Variants in PACRGL observed in about 807,000 individuals in gnomAD.
The protein encoded by PACRGL is parkin coregulated like.
Under a neutral mutation model 34.5 loss-of-function variants are expected in PACRGL, and 38 were observed. That is an observed-to-expected ratio of 1.10 (90% CI 0.85 to 1.44). The LOEUF (loss-of-function observed/expected upper bound fraction) is 1.44, where lower values mean the gene tolerates loss of function less well. Ranked by LOEUF, PACRGL falls within the 40% of genes most tolerant of loss-of-function variation. The pLI, the probability that PACRGL is intolerant of heterozygous loss-of-function variation, is 0.00. For synonymous variants in PACRGL, 128 were observed against 100.1 expected (o/e 1.28, Z -1.66); for missense variants, 305 against 281.4 (o/e 1.08, Z -0.60).
downstream of PACRGL, among the ~76,000 whole-genome samples, chr4:20,733,875 C>G (rs1748952920): frequency 6.6e-6 from 1 of 152,160 alleles, no homozygotes; most frequent in African/African-American, 2.4e-5. Context: ...TACTCGTGAC[C>G]TGGCACACTT....
chr4:20,760,837 A>G, the PACRGL span, among the ~76,000 whole-genome samples: 5 of 152,140 alleles, frequency 3.3e-5, no homozygotes, highest in East Asian at 9.6e-4. Flanking sequence ...ACAACCAAAA[A>G]CAAATGAGCA....
chr4:20,764,992 A>G, the PACRGL span, among the ~76,000 whole-genome samples: 1 of 152,206 alleles, frequency 6.6e-6, no homozygotes, highest in Admixed American at 6.5e-5. Flanking sequence ...TTTAGACATG[A>G]GGACAATGAG....
downstream of PACRGL, among the ~76,000 whole-genome samples, chr4:20,735,464 C>T (rs1315019300): frequency 6.6e-6 from 1 of 150,884 alleles, no homozygotes; most frequent in Non-Finnish European, 1.5e-5. Context: ...AGTTTGTATC[C>T]TGGTTAGATT....
chr4:20,739,988 G>A (rs1218910429), intron 8 of PACRGL, among the ~76,000 whole-genome samples: 2 of 152,250 alleles, frequency 1.3e-5, no homozygotes, highest in South Asian at 2.1e-4. Flanking sequence ...GGAAGAAAGG[G>A]TATCAGTGAT....
At chr4:20,697,447 T>C (rs2149012032), upstream of PACRGL, among the ~76,000 whole-genome samples, 1 of 152,348 alleles carries the variant, frequency 6.6e-6, no homozygotes, top group South Asian at 2.1e-4. Flanking sequence ...CTGAGTGGTT[T>C]ACTTTGGTTA....
chr4:20,714,392 C>G (rs1357332838), intron 7 of PACRGL, among the ~76,000 whole-genome samples: 1 of 152,076 alleles, frequency 6.6e-6, no homozygotes, highest in Admixed American at 6.5e-5. Context: ...CTATGTGTGT[C>G]TCTTCATGTG....
At chr4:20,753,598 C>A (rs1364550947), downstream of PACRGL, among the ~76,000 whole-genome samples, 2 of 152,136 alleles carry the variant, frequency 1.3e-5, no homozygotes, top group East Asian at 3.8e-4. Context: ...ACCCCTACTC[C>A]CATTGAATTC....
chr4:20,716,696 G>T (rs2149129481), intron 7 of PACRGL, among the ~76,000 whole-genome samples: 1 of 152,010 alleles, frequency 6.6e-6, no homozygotes, highest in East Asian at 1.9e-4. Context: ...GTATTCCATG[G>T]TGTATATGTG....
chr4:20,761,313 T>A, the PACRGL span, among the ~76,000 whole-genome samples: 1 of 152,178 alleles, frequency 6.6e-6, no homozygotes, highest in African/African-American at 2.4e-5. Flanking sequence ...ACACATCCTA[T>A]TAGTTCCATT....
At chr4:20,744,509 T>G (rs1190516846) in intron 8 of PACRGL, among the ~76,000 whole-genome samples, 3 of 151,394 alleles carry the variant, frequency 2.0e-5, no homozygotes, top group African/African-American at 7.3e-5. Context: ...CAGCAAACTA[T>G]CGCAAGGACA....
chr4:20,719,171 G>A (rs1741714074), intron 7 of PACRGL, among the ~76,000 whole-genome samples: 1 of 152,084 alleles, frequency 6.6e-6, no homozygotes, highest in African/African-American at 2.4e-5. Context: ...GGGATTGGTG[G>A]TGATATCCCT....
At chr4:20,713,235 A>AT in intron 6 of PACRGL, 197 bp from the exon 7 acceptor site, 1 of 579,598 alleles carries the variant, frequency 1.7e-6, no homozygotes. Context: ...CAGATGGAAA[A>AT]TTTGTTTTTT....
intron 8 of PACRGL, among the ~76,000 whole-genome samples, chr4:20,750,131 C>T (rs1753326258): frequency 6.6e-6 from 1 of 152,098 alleles, no homozygotes; most frequent in Non-Finnish European, 1.5e-5. Flanking sequence ...AGATGAGTTG[C>T]TATTATTAGT....
chr4:20,752,827 A>G (rs1753883026), exon 9 of PACRGL: 1 of 152,238 alleles, frequency 6.6e-6, no homozygotes, highest in Non-Finnish European at 1.5e-5. Context: ...GAAACTGTCT[A>G]CAAAAGCATC....
At chr4:20,760,555 A>G in the PACRGL span, among the ~76,000 whole-genome samples, 1 of 152,190 alleles carries the variant, frequency 6.6e-6, no homozygotes, top group Non-Finnish European at 1.5e-5. Context: ...AAACAGTGTT[A>G]ACAGTTTCAA....
intron 8 of PACRGL, among the ~76,000 whole-genome samples, chr4:20,748,602 ATATT>A (rs1412331249): frequency 5.1e-5 from 6 of 117,510 alleles, no homozygotes; most frequent in Non-Finnish European, 1.1e-4. Context: ...ATATATATAT[ATATT>A]CCATAAGTAA....
chr4:20,713,365 A>G (rs1477167191), intron 6 of PACRGL, 67 bp from the exon 7 acceptor site: 2 of 1,253,040 alleles, frequency 1.6e-6, no homozygotes, highest in Non-Finnish European at 2.3e-6. Context: ...TTTCTAACCT[A>G]TCTTTTCTTT....
chr4:20,736,645 ATT>A (rs1231424132), downstream of PACRGL, among the ~76,000 whole-genome samples: 8 of 152,308 alleles, frequency 5.3e-5, no homozygotes, highest in South Asian at 1.0e-3. Context: ...GATAATAGAT[ATT>A]CTTAGTTTTT....
chr4:20,724,836 T>C lies in PACRGL; in HGVS notation c.638T>C (p.Phe213Ser). 1 of 1,499,776 alleles carries C rather than the reference T, an allele frequency of 6.7e-7. No individual in the cohort carries two copies. Among genetic ancestry groups the C allele is most frequent in the Non-Finnish European group, 8.8e-7 (1 of 1,133,554 alleles). 92.9% of individuals were successfully genotyped at this position (1,499,776 alleles called of 1,614,324 possible). ...SLSKRLMDKK[F>S]KEPITSALQK... ...TCCAAGAGATTAATGGACAAGAAATTCAAAGAGCCAATCACCAGCGCATTA... is the reference window on the plus strand; with the variant it reads ...TCCAAGAGATTAATGGACAAGAAATCCAAAGAGCCAATCACCAGCGCATTA... Residue 213 changes from phenylalanine to serine, a missense_variant, in exon 8 of 9, where the codon TTC becomes TCC. Transcript: ENST00000503585.
Sources: allele counts gnomAD v4.1 joint callset (sites outside exome capture counted in the v4.1 genomes callset), GRCh38; gene constraint gnomAD v4.1.1; transcripts MANE v1.5; gene names NCBI Gene and HGNC (gene_info 2026-07-23, HGNC 2026-07-21).